The following SNX27 variants were observed in gnomAD, a reference collection of about 807,000 sequenced individuals.
The protein encoded by SNX27 is sorting nexin-27.
A neutral mutation model predicts 71.6 loss-of-function variants in SNX27; 22 were observed. That is an observed-to-expected ratio of 0.31 (90% CI 0.22 to 0.44). The LOEUF (loss-of-function observed/expected upper bound fraction) is 0.44, where lower values mean the gene tolerates loss of function less well. Ranked by LOEUF, SNX27 falls within the 20% of genes least tolerant of loss-of-function variation. SNX27 has a pLI of 1.00. For missense variants in SNX27, 531 were observed against 698.6 expected (o/e 0.76, Z 2.70); for synonymous variants, 269 against 277.2 (o/e 0.97, Z 0.29).
chr1:151,655,931 T>C (rs1236764248), intron 2 of SNX27, among the ~76,000 whole-genome samples: 2 of 151,958 alleles, frequency 1.3e-5, no homozygotes, highest in African/African-American at 4.8e-5. Context: ...AAACAAAAAA[T>C]TAAAAGCTCT....
rs1571798207 is a variant in SNX27, at chr1:151,641,682, C to CATATATATA, written c.543+2563_543+2564insATATATATA. ...TATCAGATATATATATCATATATAT[C>CATATATATA]TGATATATATATCATATATATGATA... On this transcript the variant is annotated intron_variant, in intron 2 of 11. Coordinates refer to ENST00000458013, the MANE Select transcript of SNX27 (RefSeq NM_001330723.2). Among the ~76,000 whole-genome samples the CATATATATA allele has an allele frequency of 4.0e-5, 5 of 124,120 alleles. No homozygotes were observed. In the South Asian group the frequency reaches 7.8e-4, roughly 19 times the overall value. 81.4% of individuals were successfully genotyped at this position (124,120 alleles called of 152,430 possible).
intron 1 of SNX27, among the ~76,000 whole-genome samples, chr1:151,629,071 C>T (rs1473672656): frequency 6.6e-6 from 1 of 151,690 alleles, no homozygotes; most frequent in Non-Finnish European, 1.5e-5. Context: ...CCTAGATTTT[C>T]TCCTATGTTA....
chr1:151,622,853 A>G (rs891046894), intron 1 of SNX27, among the ~76,000 whole-genome samples: 9 of 152,150 alleles, frequency 5.9e-5, no homozygotes, highest in Non-Finnish European at 7.3e-5. Context: ...TAGTGGTGCG[A>G]TCACAGCTTA....
At chr1:151,660,735 G>A (rs370465109) in intron 3 of SNX27, 63 bp from the exon 4 acceptor site, 53 of 1,262,034 alleles carry the variant, frequency 4.2e-5, no homozygotes, top group Non-Finnish European at 5.7e-5. Context: ...ACTTTGATAC[G>A]TCTTTGACTT....
At chr1:151,642,567 A>G (rs1274848157) in intron 2 of SNX27, among the ~76,000 whole-genome samples, 1 of 152,038 alleles carries the variant, frequency 6.6e-6, no homozygotes, top group African/African-American at 2.4e-5. Flanking sequence ...AAGGACACCA[A>G]TCTTTTATGT....
chr1:151,686,563 A>G (rs181593773), intron 8 of SNX27, among the ~76,000 whole-genome samples: 1 of 152,382 alleles, frequency 6.6e-6, no homozygotes, highest in Admixed American at 6.5e-5. Flanking sequence ...GCCACATGAT[A>G]TGATAGTCAG....
intron 3 of SNX27, chr1:151,659,959 C>G (rs1432775050): frequency 6.6e-6 from 1 of 152,144 alleles, no homozygotes; most frequent in African/African-American, 2.4e-5. Context: ...ATTTTAAAAA[C>G]TTTTGTAGGG....
intron 4 of SNX27, chr1:151,661,160 T>C (rs1433230727): frequency 7.0e-6 from 2 of 285,556 alleles, no homozygotes; most frequent in Non-Finnish European, 1.3e-5. Context: ...TGCTATCTCA[T>C]TCTCTAATTT....
Position 151,693,467 on chromosome 1 carries a change from T to C in SNX27, c.1562T>C (p.Leu521Pro). The C allele has an allele frequency of 6.2e-7, 1 of 1,614,186 alleles. No individual in the cohort carries two copies. The highest frequency in any genetic ancestry group is 8.5e-7 in the Non-Finnish European group (1 of 1,180,028). The change falls in exon 11 of 12, where the codon CTC (leucine) becomes CCC (proline). Residue 521 changes from leucine (L) to proline (P), a missense_variant. Coordinates refer to ENST00000458013, the MANE Select transcript of SNX27 (RefSeq NM_001330723.2). ...HECFERVFCE[L>P]KWRKENIFQM... ...TGCTTCGAGAGGGTGTTCTGCGAGC[T>C]CAAGTGGAGAAAAGAGGTAATTCTG...
chr1:151,647,174 G>A (rs1370336790), intron 2 of SNX27, among the ~76,000 whole-genome samples: 1 of 147,218 alleles, frequency 6.8e-6, no homozygotes, highest in Non-Finnish European at 1.5e-5. Context: ...TTTTGAGCTG[G>A]AGTTTTGCTC....
At chr1:151,631,246 A>C (rs1265789793) in intron 1 of SNX27, among the ~76,000 whole-genome samples, 1 of 152,204 alleles carries the variant, frequency 6.6e-6, no homozygotes, top group African/African-American at 2.4e-5. Context: ...GTGAAAAGTC[A>C]AAGGAAGTGT....
chr1:151,681,089 T>A (rs900905678), intron 7 of SNX27, among the ~76,000 whole-genome samples: 13 of 152,138 alleles, frequency 8.5e-5, no homozygotes, highest in African/African-American at 3.1e-4. Flanking sequence ...GCTACTGATA[T>A]ATACTTTACA....
chr1:151,623,153 T>A (rs1196354), intron 1 of SNX27, among the ~76,000 whole-genome samples: 137,848 of 150,072 alleles, frequency 0.92, 63,605 homozygotes, highest in East Asian at 0.99. Context: ...ATATATATAT[T>A]TTTTTTTTGA....
In SNX27 at chr1:151,658,363, A is replaced by G. The variant is rs777882451; in HGVS notation, c.672A>G (p.Pro224=). 1.3e-5 allele frequency: 21 copies of G among 1,614,012 alleles called. No individual in the cohort carries two copies. In the African/African-American group the frequency reaches 2.0e-4, roughly 15 times the overall value. The change falls in exon 3 of 12, where the codon CCA becomes CCG. Residue 224 remains proline, a synonymous_variant. Transcript: ENST00000458013. ...FTFPRLPGKW[P]FSLSEQQLDA... ...TTCCTCGACTCCCAGGGAAGTGGCC[A>G]TTTTCATTATCAGAACAACAATTAG...
At chr1:151,627,181 A>G (rs559972802) in intron 1 of SNX27, among the ~76,000 whole-genome samples, 5 of 152,316 alleles carry the variant, frequency 3.3e-5, no homozygotes, top group African/African-American at 1.2e-4. Flanking sequence ...TCTCTACTGC[A>G]TTACCACATG....
At position 151,638,947 on chromosome 1, in the gene SNX27, G is replaced by T. The variant is rs1234194715; in HGVS notation, c.371G>T (p.Gly124Val). The change falls in exon 2 of 12, where the codon GGC (glycine) becomes GTC (valine). Residue 124 changes from glycine (G) to valine (V), a missense_variant. Transcript: ENST00000458013. ...CAGGTGGTGGACCTGATTCGAGCAG[G>T]CGAGAAGGAATTGATCTTGACAGTG... ...HKQVVDLIRA[G>V]EKELILTVLS... 1.2e-6 allele frequency: 2 copies of T among 1,614,108 alleles called. No individual in the cohort carries two copies. Among genetic ancestry groups the T allele is most frequent in the Non-Finnish European group, 8.5e-7 (1 of 1,180,028 alleles).
chr1:151,634,812 G>C (rs2102625647), intron 1 of SNX27, among the ~76,000 whole-genome samples: 2 of 152,214 alleles, frequency 1.3e-5, no homozygotes, highest in Middle Eastern at 3.4e-3. Flanking sequence ...GTGAATACCT[G>C]TATACCTATC....
intron 2 of SNX27, among the ~76,000 whole-genome samples, chr1:151,646,513 G>GT (rs1056158061): frequency 1.3e-5 from 2 of 148,416 alleles, no homozygotes; most frequent in Non-Finnish European, 1.5e-5. Context: ...GGTATAATTT[G>GT]TTTTTTTTCT....
Position 151,694,447 on chromosome 1 carries a change from C to G in SNX27, c.*30C>G. 6.5e-7 allele frequency: 1 copy of G among 1,543,290 alleles called. No individual in the cohort carries two copies. Among genetic ancestry groups the G allele is most frequent in the Middle Eastern group, 1.7e-4 (1 of 5,976 alleles). ...TCCTTATCCCCTTCCCTTCCCTTCA[C>G]CCCCATCCTCTTACTCCTTTCATGT... On this transcript the variant is annotated 3_prime_UTR_variant, in exon 12 of 12. Transcript: ENST00000458013.
Sources: gnomAD v4.1 joint callset for allele counts (sites outside exome capture counted in the v4.1 genomes callset) on GRCh38, gnomAD v4.1.1 for gene constraint, MANE v1.5 for transcripts, NCBI Gene and HGNC (gene_info 2026-07-23, HGNC 2026-07-21) for gene names.